The following CNTNAP3 variants were observed in gnomAD, a reference collection of about 807,000 sequenced individuals.
CNTNAP3 encodes the protein contactin associated protein family member 3, also known as contactin-associated protein-like 3.
CNTNAP3 carries 36 observed loss-of-function variants against 92.1 expected under a neutral mutation model. The ratio of observed to expected loss-of-function variants is 0.39; its 90% CI spans 0.30 to 0.52. The LOEUF is 0.52. Among genes scored for constraint, CNTNAP3 ranks in the 20% least tolerant of loss-of-function variants. The pLI, the probability that CNTNAP3 is intolerant of heterozygous loss-of-function variation, is 0.76. For missense variants in CNTNAP3, 534 were observed against 1,069.6 expected, an observed-to-expected ratio of 0.50 and a Z score of 6.98; for synonymous variants, 232 against 422.3, an observed-to-expected ratio of 0.55 and a Z score of 5.53.
At chr9:39,113,165 T>C (rs1383328164) in intron 14 of CNTNAP3, among the ~76,000 whole-genome samples, 3 of 152,088 alleles carry the variant, frequency 2.0e-5, no homozygotes. Context: ...CTCTGTGTGA[T>C]GACAAAAATG....
chr9:39,149,332 A>T (rs1179095589), intron 10 of CNTNAP3, among the ~76,000 whole-genome samples: 6 of 151,732 alleles, frequency 4.0e-5, no homozygotes, highest in Non-Finnish European at 8.8e-5. Flanking sequence ...TATTTATTCC[A>T]TTAGAGATGC....
At chr9:39,089,975 T>C (rs1261296795) in intron 18 of CNTNAP3, among the ~76,000 whole-genome samples, 1 of 152,204 alleles carries the variant, frequency 6.6e-6, no homozygotes, top group Non-Finnish European at 1.5e-5. Flanking sequence ...AGTCTCGCTC[T>C]GCTGCCCAGG....
chr9:39,129,486 G>C (rs530259545), intron 13 of CNTNAP3, among the ~76,000 whole-genome samples: 5 of 152,120 alleles, frequency 3.3e-5, no homozygotes, highest in African/African-American at 9.6e-5. Flanking sequence ...TCCCAAAATA[G>C]GGCATGGAAT....
At chr9:39,091,770 G>A (rs1435938122) in intron 18 of CNTNAP3, among the ~76,000 whole-genome samples, 15 of 151,732 alleles carry the variant, frequency 9.9e-5, no homozygotes, top group Admixed American at 8.5e-4. Flanking sequence ...GAGTTTTGAA[G>A]AATACTTCTT....
At chr9:39,137,132 T>C (rs1391034759) in intron 12 of CNTNAP3, among the ~76,000 whole-genome samples, 4 of 151,864 alleles carry the variant, frequency 2.6e-5, no homozygotes, top group Non-Finnish European at 4.4e-5. Context: ...ACACCTTTTG[T>C]AGTTGTGCCA....
At chr9:39,082,457 C>G (rs1267637595) in intron 21 of CNTNAP3, among the ~76,000 whole-genome samples, 1 of 142,828 alleles carries the variant, frequency 7.0e-6, no homozygotes, top group Non-Finnish European at 1.5e-5. Context: ...ATTGCTCTTT[C>G]TTGGAAAAAA....
chr9:39,133,488 TC>T (rs1821354363), intron 12 of CNTNAP3, among the ~76,000 whole-genome samples: 1 of 151,270 alleles, frequency 6.6e-6, no homozygotes, highest in Non-Finnish European at 1.5e-5. Flanking sequence ...ATCTGCATTT[TC>T]CTCATCTGTA....
At chr9:39,131,544 G>A (rs1338328645) in intron 13 of CNTNAP3, among the ~76,000 whole-genome samples, 4 of 151,560 alleles carry the variant, frequency 2.6e-5, no homozygotes, top group Admixed American at 6.6e-5. Context: ...AGAGTGTGAG[G>A]GCCGGGCGCG....
In CNTNAP3 at chr9:39,065,326, C is replaced by A. The variant is rs1303448085; in HGVS notation, c.*8564G>T. On this transcript the variant is annotated 3_prime_UTR_variant, in exon 24 of 24. Coordinates refer to ENST00000297668, the MANE Select transcript of CNTNAP3 (RefSeq NM_033655.5). ...ACCAGTAGTTTTGTCCATTTTATAG[C>A]TGAAGAGTATTTCATTATTAATACA... 6.6e-6 allele frequency among the ~76,000 whole-genome samples: 1 copy of A among 152,292 alleles called. No homozygotes were observed. Among genetic ancestry groups the A allele is most frequent in the Admixed American group, 6.5e-5 (1 of 15,290 alleles).
intron 11 of CNTNAP3, among the ~76,000 whole-genome samples, chr9:39,144,012 G>A (rs1408675122): frequency 6.6e-6 from 1 of 152,064 alleles, no homozygotes; most frequent in East Asian, 1.9e-4. Context: ...TTTCCCCATT[G>A]CTTGCCAGTT....
intron 14 of CNTNAP3, among the ~76,000 whole-genome samples, chr9:39,112,622 C>A (rs550644681): frequency 1.3e-5 from 2 of 152,160 alleles, no homozygotes; most frequent in East Asian, 3.9e-4. Context: ...CCTTGGCCTC[C>A]CAAAGTGCTG....
intron 10 of CNTNAP3, among the ~76,000 whole-genome samples, chr9:39,148,761 A>G (rs150895786): frequency 0.092 from 14,071 of 152,126 alleles, 713 homozygotes; most frequent in African/African-American, 0.14. Context: ...TCCTGACCTC[A>G]TGATCCGCTC....
At chr9:39,150,336 A>C (rs1190288646) in intron 9 of CNTNAP3, among the ~76,000 whole-genome samples, 1 of 132,064 alleles carries the variant, frequency 7.6e-6, no homozygotes, top group Non-Finnish European at 1.6e-5. Context: ...AGTGGAGGTT[A>C]AATTAAAATA....
intron 18 of CNTNAP3, among the ~76,000 whole-genome samples, chr9:39,093,804 T>C (rs1167213589): frequency 6.6e-6 from 1 of 151,550 alleles, no homozygotes; most frequent in Non-Finnish European, 1.5e-5. Context: ...CTATTGTGAT[T>C]AGTGCTACTA....
chr9:39,180,521 AT>A (rs554018546), intron 4 of CNTNAP3, among the ~76,000 whole-genome samples: 1 of 125,924 alleles, frequency 7.9e-6, no homozygotes, highest in African/African-American at 2.9e-5. Context: ...TAATACCTTG[AT>A]TTTTTCTTTA....
intron 21 of CNTNAP3, among the ~76,000 whole-genome samples, chr9:39,081,816 T>C (rs567124494): frequency 6.6e-5 from 10 of 151,420 alleles, no homozygotes; most frequent in Non-Finnish European, 1.3e-4. Flanking sequence ...CGGTGGCTCA[T>C]GCCTGTAATC....
At chr9:39,118,005 G>A in intron 14 of CNTNAP3, 98 bp downstream of exon 14, 2 of 1,590,570 alleles carry the variant, frequency 1.3e-6, no homozygotes, top group Non-Finnish European at 1.7e-6. Context: ...ACATACTTTA[G>A]TTACCTTATT....
At chr9:39,234,451 GTA>G (rs1485244942) in intron 3 of CNTNAP3, among the ~76,000 whole-genome samples, 2 of 27,072 alleles carry the variant, frequency 7.4e-5, no homozygotes, top group African/African-American at 6.9e-5. Flanking sequence ...CTATATATAT[GTA>G]TATATATATA....
chr9:39,152,055 T>C (rs1411822116), intron 9 of CNTNAP3, among the ~76,000 whole-genome samples: 2 of 141,088 alleles, frequency 1.4e-5, no homozygotes, highest in African/African-American at 2.6e-5. Context: ...TTTGTACTTA[T>C]GTGTTTTTCA....
Sources: gnomAD v4.1 joint callset for allele counts (sites outside exome capture counted in the v4.1 genomes callset) on GRCh38, gnomAD v4.1.1 for gene constraint, MANE v1.5 for transcripts, NCBI Gene and HGNC (gene_info 2026-07-23, HGNC 2026-07-21) for gene names.